SIK3: variants seen among roughly 807,000 people sequenced by gnomAD.
The protein encoded by SIK3 is SIK family kinase 3, also known as serine/threonine-protein kinase SIK3.
Under a neutral mutation model 144.2 loss-of-function variants are expected in SIK3, and 28 were observed. The observed-to-expected ratio is 0.19, with a 90% confidence interval of 0.14 to 0.27. SIK3 has a LOEUF of 0.27. Among genes scored for constraint, SIK3 ranks in the 10% least tolerant of loss-of-function variants. The pLI, the probability that SIK3 is intolerant of heterozygous loss-of-function variation, is 1.00. For missense variants in SIK3, 1,319 were observed against 1,776.0 expected, an observed-to-expected ratio of 0.74 and a Z score of 4.62; for synonymous variants, 686 against 676.3, an observed-to-expected ratio of 1.01 and a Z score of -0.22.
intron 1 of SIK3, among the ~76,000 whole-genome samples, chr11:117,028,992 T>G (rs1952141210): frequency 6.6e-6 from 1 of 150,924 alleles, no homozygotes; most frequent in South Asian, 2.1e-4. Context: ...CTCTGCAACT[T>G]CCACCTCCTG....
intron 4 of SIK3, among the ~76,000 whole-genome samples, chr11:116,912,681 T>C (rs567251757): frequency 8.5e-5 from 13 of 152,300 alleles, no homozygotes; most frequent in East Asian, 3.9e-4. Flanking sequence ...AGATATTTAC[T>C]TACCCTAAAT....
At chr11:117,039,699 G>A (rs771516237) in intron 1 of SIK3, among the ~76,000 whole-genome samples, 5 of 152,074 alleles carry the variant, frequency 3.3e-5, no homozygotes, top group Non-Finnish European at 7.3e-5. Context: ...CATTTGTTGG[G>A]CACTTAATAT....
At chr11:117,024,513 T>C (rs755282113) in intron 1 of SIK3, among the ~76,000 whole-genome samples, 3 of 152,104 alleles carry the variant, frequency 2.0e-5, no homozygotes, top group Non-Finnish European at 2.9e-5. Flanking sequence ...GATGTAAGCC[T>C]GCAACAGCTG....
intron 18 of SIK3, 66 bp from the exon 19 acceptor site, chr11:116,861,449 G>T: frequency 8.1e-7 from 1 of 1,231,152 alleles, no homozygotes; most frequent in Non-Finnish European, 1.2e-6. Flanking sequence ...TTAAGTTTCA[G>T]CCATACAACA....
At chr11:117,009,208 G>C (rs2135669000) in intron 1 of SIK3, among the ~76,000 whole-genome samples, 1 of 149,422 alleles carries the variant, frequency 6.7e-6, no homozygotes, top group East Asian at 2.0e-4. Flanking sequence ...ACTCCAGCCT[G>C]GGCGACAGAG....
chr11:117,062,133 T>A (rs369577495), intron 1 of SIK3, among the ~76,000 whole-genome samples: 1 of 152,096 alleles, frequency 6.6e-6, no homozygotes, highest in Non-Finnish European at 1.5e-5. Flanking sequence ...AAGACCAGCC[T>A]GGCCAACATG....
In SIK3 at chr11:116,915,735, G is replaced by T. The variant is rs555070722; in HGVS notation, c.616+11484C>A. Among the ~76,000 whole-genome samples the T allele has an allele frequency of 1.1e-4, 17 of 152,270 alleles. No homozygotes were observed. The East Asian group carries it at 2.9e-3, about 26-fold the overall frequency. On this transcript the variant is annotated intron_variant, in intron 4 of 24. Transcript: ENST00000445177. ...CCATGGCCAAACAAAGACAAATCATGAATTTGGTGAAGGTTGTCTTGAGGC... is the reference window on the plus strand; with the variant it reads ...CCATGGCCAAACAAAGACAAATCATTAATTTGGTGAAGGTTGTCTTGAGGC...
intron 1 of SIK3, among the ~76,000 whole-genome samples, chr11:117,050,127 A>T (rs1332581362): frequency 6.6e-6 from 1 of 151,436 alleles, no homozygotes; most frequent in African/African-American, 2.4e-5. Context: ...TTGTCTCTTC[A>T]AAAGTACAAA....
chr11:116,876,151 G>A (rs138956895), intron 8 of SIK3, 102 bp downstream of exon 8: 2 of 1,496,446 alleles, frequency 1.3e-6, no homozygotes, highest in African/African-American at 2.8e-5. Context: ...AAGAAAAACA[G>A]GAGGAAAAAA....
chr11:116,885,214 A>G (rs919797655), intron 6 of SIK3, among the ~76,000 whole-genome samples: 1 of 152,198 alleles, frequency 6.6e-6, no homozygotes, highest in Non-Finnish European at 1.5e-5. Context: ...ACTTTCGCAA[A>G]GAGATGGAGC....
chr11:117,067,911 G>A (rs557628428), intron 1 of SIK3, among the ~76,000 whole-genome samples: 1 of 152,220 alleles, frequency 6.6e-6, no homozygotes, highest in African/African-American at 2.4e-5. Context: ...TTCAACCCGG[G>A]AGGCGGAGGC....
intron 1 of SIK3, among the ~76,000 whole-genome samples, chr11:117,027,567 A>G (rs1039243302): frequency 6.6e-6 from 1 of 151,942 alleles, no homozygotes; most frequent in Non-Finnish European, 1.5e-5. Flanking sequence ...GGTTCAAGCA[A>G]TCCTCCTGTC....
intron 6 of SIK3, among the ~76,000 whole-genome samples, chr11:116,890,087 G>A (rs958990441): frequency 6.6e-6 from 1 of 152,176 alleles, no homozygotes. Flanking sequence ...CTAGAACTCA[G>A]GCACCGTCCA....
rs762730050 is a variant in SIK3, at chr11:116,873,611, G to A, written c.1607C>T (p.Thr536Met). 2.7e-5 allele frequency: 43 copies of A among 1,578,006 alleles called. No individual in the cohort carries two copies. The highest frequency in any genetic ancestry group is 3.6e-5 in the South Asian group (3 of 84,278). Residue 536 changes from threonine to methionine, a missense_variant, in exon 13 of 25, where the codon ACG becomes ATG. Thr to Met is a moderately conservative substitution (Grantham distance 81, BLOSUM62 -1). Coordinates refer to ENST00000445177, the MANE Select transcript of SIK3 (RefSeq NM_001366686.3). ...GCCCATTCCATTCAACAGCTGTAGCGTGGGCGGCTGTAGGAGAGACTGCTC... is the reference window on the plus strand; with the variant it reads ...GCCCATTCCATTCAACAGCTGTAGCATGGGCGGCTGTAGGAGAGACTGCTC... ...YKEQSLLQPPTLQLLNGMGPL... is the reference protein window; with the variant it reads ...YKEQSLLQPPMLQLLNGMGPL...
chr11:117,076,304 A>T (rs1004893847), intron 1 of SIK3, among the ~76,000 whole-genome samples: 2 of 151,946 alleles, frequency 1.3e-5, no homozygotes, highest in East Asian at 3.9e-4. Context: ...CCTCTTAATC[A>T]CTCAAGATTC....
intron 4 of SIK3, among the ~76,000 whole-genome samples, chr11:116,902,952 A>G (rs1337031695): frequency 6.6e-6 from 1 of 152,216 alleles, no homozygotes; most frequent in African/African-American, 2.4e-5. Flanking sequence ...CATTGAAAGC[A>G]TATCGCTGTC....
At chr11:116,982,108 T>C (rs1002168764) in intron 1 of SIK3, among the ~76,000 whole-genome samples, 4 of 152,102 alleles carry the variant, frequency 2.6e-5, no homozygotes, top group Non-Finnish European at 4.4e-5. Context: ...ACATCTTTTT[T>C]CTACTCATGC....
intron 4 of SIK3, among the ~76,000 whole-genome samples, chr11:116,912,333 C>T (rs1946392118): frequency 6.6e-6 from 1 of 152,172 alleles, no homozygotes; most frequent in Non-Finnish European, 1.5e-5. Context: ...ATATCATCAA[C>T]TGGATATGTC....
At chr11:117,015,591 T>G (rs1951488191) in intron 1 of SIK3, among the ~76,000 whole-genome samples, 1 of 143,400 alleles carries the variant, frequency 7.0e-6, no homozygotes, top group African/African-American at 2.7e-5. Context: ...TTTTTTTTTT[T>G]GAGACGTTGT....
Sources: gnomAD v4.1 joint callset for allele counts (sites outside exome capture counted in the v4.1 genomes callset) on GRCh38, gnomAD v4.1.1 for gene constraint, MANE v1.5 for transcripts, NCBI Gene and HGNC (gene_info 2026-07-23, HGNC 2026-07-21) for gene names.